OTOP3: variants seen among roughly 807,000 people sequenced by gnomAD.
The protein encoded by OTOP3 is proton channel OTOP3.
Under a neutral mutation model 50.8 loss-of-function variants are expected in OTOP3, and 41 were observed. The observed-to-expected ratio is 0.81, with a 90% confidence interval of 0.63 to 1.05. The LOEUF (loss-of-function observed/expected upper bound fraction) is 1.05, where lower values mean the gene tolerates loss of function less well. Ranked by LOEUF, OTOP3 falls within the 50% of genes least tolerant of loss-of-function variation. OTOP3 has a pLI of 0.00. For missense variants in OTOP3, 788 were observed against 760.8 expected, an observed-to-expected ratio of 1.04 and a Z score of -0.42; for synonymous variants, 320 against 324.4, an observed-to-expected ratio of 0.99 and a Z score of 0.14.
At chr17:74,944,131 G>T (rs1007198464) in intron 5 of OTOP3, among the ~76,000 whole-genome samples, 3 of 152,182 alleles carry the variant, frequency 2.0e-5, no homozygotes, top group African/African-American at 4.8e-5. Flanking sequence ...AATCAGGTGG[G>T]ACGGAAGATA....
In OTOP3 at chr17:74,943,674, T is replaced by G. The variant is rs140108497; in HGVS notation, c.701T>G (p.Met234Arg). 3 of 1,611,926 alleles carry G rather than the reference T, an allele frequency of 1.9e-6. No individual in the cohort carries two copies. The highest frequency in any genetic ancestry group is 1.7e-6 in the Non-Finnish European group (2 of 1,179,830). ...LWVLAVTNDS[M>R]HREIEAELGI... The stretch of plus-strand genomic sequence containing the variant: ...GTTCTGGCCGTTACCAATGACTCCA[T>G]GCACCGAGAGATCGAAGCTGAGCTT... The change falls in exon 5 of 7, where the codon ATG becomes AGG. Residue 234 changes from methionine (M) to arginine (R), a missense_variant. Transcript: ENST00000328801.
Position 74,949,551 on chromosome 17 carries a change from C to A in OTOP3, c.*135C>A. ...CAAGGCCTCCTGCTCCCCAGAGCCTCACTGAAGGGGAGGGCACTGCCTAGA... is the reference window on the plus strand; with the variant it reads ...CAAGGCCTCCTGCTCCCCAGAGCCTAACTGAAGGGGAGGGCACTGCCTAGA... On this transcript the variant is annotated 3_prime_UTR_variant, in exon 7 of 7. Transcript: ENST00000328801. The A allele has an allele frequency of 9.6e-7, 1 of 1,038,156 alleles. No individual in the cohort carries two copies. Among genetic ancestry groups the A allele is most frequent in the Non-Finnish European group, 1.4e-6 (1 of 732,550 alleles). The allele number at this position is 1,038,156 out of a possible 1,614,324, so 64.3% of individuals were successfully genotyped here.
chr17:74,949,133 G>A (rs772641131), intron 6 of OTOP3, 113 bp from the exon 7 acceptor site: 38 of 1,041,548 alleles, frequency 3.6e-5, no homozygotes, highest in East Asian at 3.6e-4. Flanking sequence ...AAGACTGAGC[G>A]GGAGGTGGGG....
At chr17:74,938,052 G>C (rs781182391) in intron 1 of OTOP3, among the ~76,000 whole-genome samples, 1 of 152,168 alleles carries the variant, frequency 6.6e-6, no homozygotes. Flanking sequence ...CCTTGAGTAC[G>C]GCAGGGGTGG....
At chr17:74,942,180 C>A in intron 3 of OTOP3, 143 bp downstream of exon 3, 1 of 1,036,714 alleles carries the variant, frequency 9.6e-7, no homozygotes, top group Non-Finnish European at 1.4e-6. Context: ...CACACCACAC[C>A]CCTCACACAA....
At chr17:74,946,314 T>C (rs2039223998) in intron 5 of OTOP3, among the ~76,000 whole-genome samples, 1 of 152,172 alleles carries the variant, frequency 6.6e-6, no homozygotes, top group Admixed American at 6.5e-5. Flanking sequence ...GGTCTCACCA[T>C]GTTACCCAAG....
At chr17:74,949,043 G>T (rs534105167) in intron 6 of OTOP3, among the ~76,000 whole-genome samples, 2 of 152,290 alleles carry the variant, frequency 1.3e-5, no homozygotes, top group African/African-American at 4.8e-5. Flanking sequence ...GATGGCTGGG[G>T]ATAGCTAAGG....
At chr17:74,947,523 A>G (rs781111881) in intron 6 of OTOP3, 48 bp downstream of exon 6, 1 of 1,491,616 alleles carries the variant, frequency 6.7e-7, no homozygotes, top group Non-Finnish European at 9.0e-7. Context: ...GGCCAGGCAG[A>G]CCCAGAAAGC....
In OTOP3 at chr17:74,947,174, A is replaced by G. The variant is rs774185039; in HGVS notation, c.1265A>G (p.Lys422Arg). Residue 422 changes from lysine to arginine, a missense_variant, in exon 6 of 7, where the codon AAG becomes AGG. By Grantham distance (26) the Lys-to-Arg change is conservative. Transcript: ENST00000328801. The stretch of plus-strand genomic sequence containing the variant: ...TTCTCCATCGTGGCCATTGTGGCCA[A>G]GCGCCCGCATGAGCTGCTCAACCGC... ...AYFSIVAIVA[K>R]RPHELLNRLI... The G allele has an allele frequency of 1.9e-6, 3 of 1,613,922 alleles. No homozygotes were observed. The highest frequency in any genetic ancestry group is 2.7e-5 in the African/African-American group (2 of 74,952).
At chr17:74,947,729 T>C (rs2039243775) in intron 6 of OTOP3, among the ~76,000 whole-genome samples, 1 of 152,194 alleles carries the variant, frequency 6.6e-6, no homozygotes, top group African/African-American at 2.4e-5. Flanking sequence ...AAGACACCAC[T>C]GAATTCATCA....
chr17:74,942,576 A>G (rs892725434), intron 3 of OTOP3, among the ~76,000 whole-genome samples: 3 of 151,492 alleles, frequency 2.0e-5, no homozygotes, highest in Non-Finnish European at 2.9e-5. Flanking sequence ...GGTTGCAGTG[A>G]GCCAAGATCA....
At position 74,941,637 on chromosome 17, in the gene OTOP3, C is replaced by T. The variant is rs749858017; in HGVS notation, c.264C>T (p.Ile88=). ...LNVVFLGGAF[I]CSMIFNKVAV... is the part of the protein sequence containing the mutation. ...TGGTGTTCCTGGGTGGCGCCTTCAT[C>T]TGCAGCATGATCTTCAACAAGGTGG... Residue 88 remains isoleucine (I), a synonymous_variant, in exon 2 of 7, where the codon ATC becomes ATT. Coordinates refer to ENST00000328801, the MANE Select transcript of OTOP3 (RefSeq NM_001272005.2). The T allele has an allele frequency of 2.5e-6, 4 of 1,614,040 alleles. No individual in the cohort carries two copies. In the African/African-American group the frequency reaches 4.0e-5, roughly 16 times the overall value.
intron 1 of OTOP3, 121 bp downstream of exon 1, chr17:74,936,061 C>A: frequency 6.9e-7 from 1 of 1,450,106 alleles, no homozygotes; most frequent in Non-Finnish European, 9.3e-7. Context: ...AACGGGAAAG[C>A]GGGGTGACTG....
intron 1 of OTOP3, among the ~76,000 whole-genome samples, chr17:74,941,059 C>A (rs2039166558): frequency 6.6e-6 from 1 of 152,166 alleles, no homozygotes; most frequent in African/African-American, 2.4e-5. Flanking sequence ...AGTCACAGCC[C>A]TAGAAACTGA....
rs757705541 is a variant in OTOP3 at position 74,946,707 on chromosome 17, A to C, written c.798A>C (p.Glu266Asp). Residue 266 changes from glutamate (E) to aspartate (D), a missense_variant, in exon 6 of 7, where the codon GAA becomes GAC. Physicochemically the swap from Glu to Asp is conservative, Grantham distance 45. Transcript: ENST00000328801. ...TGTGCCTCAATGCCACCGCGTGTGAAGCTTTCCGGAGAGGCTTCCTGATGC... is the reference window on the plus strand; with the variant it reads ...TGTGCCTCAATGCCACCGCGTGTGACGCTTTCCGGAGAGGCTTCCTGATGC... ...TCLCLNATAC[E>D]AFRRGFLMLY... 1 of 1,612,916 alleles carries C rather than the reference A, an allele frequency of 6.2e-7. No individual in the cohort carries two copies. Among genetic ancestry groups the C allele is most frequent in the Admixed American group, 1.7e-5 (1 of 60,020 alleles).
rs201060011 is a variant in OTOP3 at position 74,943,701 on chromosome 17, G to A, written c.728G>A (p.Gly243Asp). 7.5e-5 allele frequency: 121 copies of A among 1,609,174 alleles called. No homozygotes were observed. The highest frequency in any genetic ancestry group is 1.0e-4 in the Non-Finnish European group (119 of 1,179,732). The change falls in exon 5 of 7, where the codon GGC (glycine) becomes GAC (aspartate). Residue 243 changes from glycine (G) to aspartate (D), a missense_variant. Gly to Asp is a moderately conservative substitution (Grantham distance 94). Transcript: ENST00000328801. ...SMHREIEAELGILMEKSTGNE... is the reference protein window; with the variant it reads ...SMHREIEAELDILMEKSTGNE... ...CACCGAGAGATCGAAGCTGAGCTTG[G>A]CATCCTCATGGAAAAATCCACAGGT... is the stretch of plus-strand genomic sequence containing the variant.
intron 1 of OTOP3, 136 bp downstream of exon 1, chr17:74,936,076 G>A (rs2039111972): frequency 7.3e-7 from 1 of 1,374,102 alleles, no homozygotes; most frequent in South Asian, 1.3e-5. Flanking sequence ...TGACTGTGGA[G>A]AGGTGAACTC....
chr17:74,946,583 G>A (rs1440444786), intron 5 of OTOP3, 78 bp from the exon 6 acceptor site: 1 of 1,259,606 alleles, frequency 7.9e-7, no homozygotes, highest in Admixed American at 2.1e-5. Flanking sequence ...CCAGGGAATG[G>A]GAGGTATCTG....
Position 74,942,001 on chromosome 17 carries a change from C to T in OTOP3, c.537C>T (p.Val179=). 1 of 1,613,536 alleles carries T rather than the reference C, an allele frequency of 6.2e-7. No individual in the cohort carries two copies. Among genetic ancestry groups the T allele is most frequent in the Non-Finnish European group, 8.5e-7 (1 of 1,179,704 alleles). Residue 179 remains valine, a synonymous_variant, in exon 3 of 7, where the codon GTC becomes GTT. Coordinates refer to ENST00000328801, the MANE Select transcript of OTOP3 (RefSeq NM_001272005.2). ...GCTGCAAGTCACAGCTGGACCTTGT[C>T]TTCTCTGTCATCGAGATGGTCTTCA... The part of the protein sequence containing the change: ...HIRCKSQLDL[V]FSVIEMVFIG...
Sources: gnomAD v4.1 joint callset for allele counts (sites outside exome capture counted in the v4.1 genomes callset) on GRCh38, gnomAD v4.1.1 for gene constraint, MANE v1.5 for transcripts, NCBI Gene and HGNC (gene_info 2026-07-23, HGNC 2026-07-21) for gene names.